SHC3: variants seen among roughly 807,000 people sequenced by gnomAD.
SHC3 encodes SHC adaptor protein 3, also known as SHC-transforming protein 3.
Under a neutral mutation model 60.4 loss-of-function variants are expected in SHC3, and 15 were observed. The ratio of observed to expected loss-of-function variants is 0.25; its 90% CI spans 0.17 to 0.38. The LOEUF (loss-of-function observed/expected upper bound fraction) is 0.38, where lower values mean the gene tolerates loss of function less well. SHC3 is among the 10% of genes least tolerant of loss of function. The pLI, the probability that SHC3 is intolerant of heterozygous loss-of-function variation, is 1.00. For synonymous variants in SHC3, 294 were observed against 325.9 expected (o/e 0.90, Z 1.05); for missense variants, 677 against 786.1 (o/e 0.86, Z 1.66).
intron 1 of SHC3, among the ~76,000 whole-genome samples, chr9:89,116,984 T>C (rs1292255984): frequency 6.6e-6 from 1 of 152,224 alleles, no homozygotes; most frequent in Non-Finnish European, 1.5e-5. Flanking sequence ...GATGATGCCC[T>C]GCTCCTCTGT....
At chr9:89,135,378 T>G (rs900844300) in intron 1 of SHC3, among the ~76,000 whole-genome samples, 2 of 152,108 alleles carry the variant, frequency 1.3e-5, no homozygotes, top group Non-Finnish European at 2.9e-5. Flanking sequence ...ACTCAGGTAT[T>G]TGAGGGTACA....
intron 1 of SHC3, among the ~76,000 whole-genome samples, chr9:89,169,477 C>T (rs1057281079): frequency 3.7e-4 from 57 of 152,212 alleles, no homozygotes; most frequent in African/African-American, 1.2e-3. Flanking sequence ...AATTCTAGAG[C>T]TCCACTAACA....
intron 3 of SHC3, among the ~76,000 whole-genome samples, chr9:89,077,036 G>A (rs1423625869): frequency 6.6e-6 from 1 of 151,952 alleles, no homozygotes; most frequent in Non-Finnish European, 1.5e-5. Flanking sequence ...AATTAGCTGG[G>A]CATGGTGGCG....
At chr9:89,071,124 G>T in intron 5 of SHC3, 75 bp downstream of exon 5, 7 of 1,386,444 alleles carry the variant, frequency 5.0e-6, no homozygotes, top group Non-Finnish European at 6.1e-6. Context: ...TGTCTTGCAA[G>T]GCATATTATT....
At chr9:89,067,608 C>T (rs1340770525) in intron 5 of SHC3, among the ~76,000 whole-genome samples, 1 of 152,152 alleles carries the variant, frequency 6.6e-6, no homozygotes, top group Admixed American at 6.5e-5. Flanking sequence ...ACATGATGTA[C>T]AACTGAAGTT....
At chr9:89,013,651 C>G in intron 11 of SHC3, 76 bp from the exon 12 acceptor site, 1 of 1,529,376 alleles carries the variant, frequency 6.5e-7, no homozygotes, top group Admixed American at 1.9e-5. Flanking sequence ...TCAGAATCAG[C>G]CAGACCATCT....
At chr9:89,061,172 C>T (rs549610937) in intron 6 of SHC3, among the ~76,000 whole-genome samples, 3 of 152,196 alleles carry the variant, frequency 2.0e-5, no homozygotes, top group Admixed American at 6.5e-5. Flanking sequence ...AATTCACCTC[C>T]TGCCACAGTG....
chr9:89,175,138 T>G (rs1037183414), intron 1 of SHC3, among the ~76,000 whole-genome samples: 1 of 152,236 alleles, frequency 6.6e-6, no homozygotes, highest in Non-Finnish European at 1.5e-5. Context: ...TTCTTTTCTA[T>G]CAAGAGCATA....
chr9:89,140,538 A>C (rs1826378634), intron 1 of SHC3, among the ~76,000 whole-genome samples: 1 of 152,180 alleles, frequency 6.6e-6, no homozygotes, highest in African/African-American at 2.4e-5. Flanking sequence ...AACTGCCATT[A>C]GCCATCTCCA....
At chr9:89,090,016 G>A (rs948190178) in intron 2 of SHC3, among the ~76,000 whole-genome samples, 1 of 152,158 alleles carries the variant, frequency 6.6e-6, no homozygotes, top group Non-Finnish European at 1.5e-5. Flanking sequence ...TCAGGCCCAC[G>A]AGCAAACACA....
chr9:89,093,996 C>T (rs1825663405), intron 2 of SHC3, among the ~76,000 whole-genome samples: 1 of 151,002 alleles, frequency 6.6e-6, no homozygotes, highest in Non-Finnish European at 1.5e-5. Context: ...CCCAGCTACT[C>T]AGGAGGCTGA....
chr9:89,010,803 C>G lies in SHC3; in HGVS notation c.*2644G>C, dbSNP rs1264883243. On this transcript the variant is annotated 3_prime_UTR_variant, in exon 12 of 12. Coordinates refer to ENST00000375835, the MANE Select transcript of SHC3 (RefSeq NM_016848.6). ...GCTAGACAGGGAGGAGCCTCCATTG[C>G]TTTTGCCTTGGAATCCTGAGCTCAA... is the stretch of plus-strand genomic sequence containing the variant. The G allele has an allele frequency of 6.6e-6, 1 of 152,422 alleles. No homozygotes were observed. Among genetic ancestry groups the G allele is most frequent in the East Asian group, 1.9e-4 (1 of 5,200 alleles). 9.4% of individuals were successfully genotyped at this position (152,422 alleles called of 1,614,324 possible).
At chr9:89,027,381 A>G (rs1031750465) in intron 11 of SHC3, among the ~76,000 whole-genome samples, 2 of 142,360 alleles carry the variant, frequency 1.4e-5, no homozygotes, top group Non-Finnish European at 1.5e-5. Context: ...GTGCAGTGGC[A>G]CGATCTCGGC....
chr9:89,087,172 C>G (rs1014339307), intron 2 of SHC3, among the ~76,000 whole-genome samples: 2 of 152,128 alleles, frequency 1.3e-5, no homozygotes, highest in African/African-American at 2.4e-5. Flanking sequence ...TTCCTATTTT[C>G]CAATCAAGGA....
chr9:89,164,568 A>G (rs1411962488), intron 1 of SHC3, among the ~76,000 whole-genome samples: 1 of 152,076 alleles, frequency 6.6e-6, no homozygotes, highest in Non-Finnish European at 1.5e-5. Flanking sequence ...AGGAATTTGG[A>G]TTGAATTCTG....
chr9:89,171,168 C>A (rs950160534), intron 1 of SHC3, among the ~76,000 whole-genome samples: 1 of 152,064 alleles, frequency 6.6e-6, no homozygotes. Context: ...CCAGAGTATA[C>A]AGTACCTCTG....
intron 11 of SHC3, among the ~76,000 whole-genome samples, chr9:89,033,801 G>C (rs1391846532): frequency 1.3e-5 from 2 of 152,152 alleles, no homozygotes; most frequent in Non-Finnish European, 2.9e-5. Flanking sequence ...CAGAAACAGG[G>C]GGTATAGAGG....
intron 1 of SHC3, among the ~76,000 whole-genome samples, chr9:89,148,916 G>A (rs979377436): frequency 3.3e-5 from 5 of 152,106 alleles, no homozygotes; most frequent in Non-Finnish European, 4.4e-5. Flanking sequence ...GTATTTCTGC[G>A]TTCTGCTTTT....
At chr9:89,138,041 C>A (rs546349297) in intron 1 of SHC3, among the ~76,000 whole-genome samples, 1 of 152,218 alleles carries the variant, frequency 6.6e-6, no homozygotes, top group South Asian at 2.1e-4. Context: ...ATAGATGTCA[C>A]CCTTTGTAGA....
Sources: gnomAD v4.1 joint callset for allele counts (sites outside exome capture counted in the v4.1 genomes callset) on GRCh38, gnomAD v4.1.1 for gene constraint, MANE v1.5 for transcripts, NCBI Gene and HGNC (gene_info 2026-07-23, HGNC 2026-07-21) for gene names.